TMPRSS9: variants seen among roughly 807,000 people sequenced by gnomAD.
The protein encoded by TMPRSS9 is transmembrane protease serine 9.
TMPRSS9 carries 113 observed loss-of-function variants against 111.4 expected under a neutral mutation model. The observed-to-expected ratio is 1.01, with a 90% CI of 0.87 to 1.19. The LOEUF (loss-of-function observed/expected upper bound fraction) is 1.19, where lower values mean the gene tolerates loss of function less well. Ranked by LOEUF, TMPRSS9 falls within the 50% of genes most tolerant of loss-of-function variation. TMPRSS9 has a pLI of 0.00. For missense variants in TMPRSS9, 1,803 were observed against 1,513.1 expected, an observed-to-expected ratio of 1.19 and a Z score of -3.18; for synonymous variants, 805 against 659.1, an observed-to-expected ratio of 1.22 and a Z score of -3.39.
intron 5 of TMPRSS9, among the ~76,000 whole-genome samples, chr19:2,402,759 T>TA (rs1208959271): frequency 6.6e-6 from 1 of 150,958 alleles, no homozygotes; most frequent in African/African-American, 2.4e-5. Flanking sequence ...ATAAATAAAA[T>TA]AAAATAAAAA....
rs766275889 is a variant in TMPRSS9 at position 2,408,259 on chromosome 19, A to G, written c.843-97A>G. The G allele has an allele frequency of 4.3e-4, 510 of 1,178,056 alleles. 1 individual carries two copies. The highest frequency in any genetic ancestry group is 5.5e-4 in the Non-Finnish European group (454 of 821,038). 73.0% of individuals were successfully genotyped at this position (1,178,056 alleles called of 1,614,324 possible). On this transcript the variant is annotated intron_variant, in intron 7 of 17. Transcript: ENST00000648592. ...TATTCATAAATATTAATGTGGGGGG[A>G]TACCCCTTACATTTTGCACCCAAGG...
chr19:2,414,373 G>A (rs932561528), intron 10 of TMPRSS9, among the ~76,000 whole-genome samples: 18 of 151,746 alleles, frequency 1.2e-4, no homozygotes, highest in African/African-American at 4.4e-4. Context: ...CTGAACAGCC[G>A]GGATTACAGG....
At chr19:2,400,497 G>A (rs906630576) in intron 4 of TMPRSS9, among the ~76,000 whole-genome samples, 6 of 151,798 alleles carry the variant, frequency 4.0e-5, no homozygotes, top group Non-Finnish European at 7.4e-5. Flanking sequence ...AGCCAAGGTT[G>A]CACTACTGCA....
At chr19:2,382,663 ATGCACACG>A (rs2145264304) in intron 1 of TMPRSS9, among the ~76,000 whole-genome samples, 1 of 139,406 alleles carries the variant, frequency 7.2e-6, no homozygotes, top group South Asian at 2.3e-4. Flanking sequence ...ACATACACAC[ATGCACACG>A]TGCACACATA....
In TMPRSS9 at chr19:2,408,243, A is replaced by G. The variant is rs1467342308; in HGVS notation, c.843-113A>G. Reference sequence around the variant, plus strand: ...TGATTTTTATAAATACTATTCATAAATATTAATGTGGGGGGATACCCCTTA... The same window carrying G: ...TGATTTTTATAAATACTATTCATAAGTATTAATGTGGGGGGATACCCCTTA... On this transcript the variant is annotated intron_variant, in intron 7 of 17. Coordinates refer to ENST00000648592, the Ensembl canonical transcript of TMPRSS9. The G allele has an allele frequency of 4.9e-6, 5 of 1,027,254 alleles. No individual in the cohort carries two copies. The East Asian group carries it at 1.0e-4, about 21-fold the overall frequency. The allele number at this position is 1,027,254 out of a possible 1,614,324, so 63.6% of individuals were successfully genotyped here.
At chr19:2,425,242 C>T (rs761067420) in exon 16 of TMPRSS9, 7 of 1,411,564 alleles carry the variant, frequency 5.0e-6, no homozygotes, top group East Asian at 3.2e-5. Context: ...GCGTCATCAC[C>T]GGCTGGGGCT....
chr19:2,393,223 G>A (rs1970636651), intron 1 of TMPRSS9, among the ~76,000 whole-genome samples: 1 of 152,122 alleles, frequency 6.6e-6, no homozygotes, highest in Non-Finnish European at 1.5e-5. Context: ...TCTTGCTGCT[G>A]CTCACTCGTT....
intron 1 of TMPRSS9, among the ~76,000 whole-genome samples, chr19:2,392,384 C>G (rs1307322228): frequency 2.6e-5 from 4 of 151,272 alleles, no homozygotes; most frequent in Non-Finnish European, 5.9e-5. Context: ...CAGAGTGACA[C>G]CCTGATAAAA....
intron 2 of TMPRSS9, 35 bp downstream of exon 3, chr19:2,396,701 A>G (rs767700816): frequency 3.2e-6 from 5 of 1,581,438 alleles, no homozygotes; most frequent in Non-Finnish European, 4.3e-6. Context: ...CCAGGGAGGA[A>G]GAGCGGGTGG....
At chr19:2,423,127 G>C (rs935966634) in intron 14 of TMPRSS9, among the ~76,000 whole-genome samples, 7 of 151,882 alleles carry the variant, frequency 4.6e-5, no homozygotes, top group South Asian at 2.1e-4. Flanking sequence ...CCTTGGGTGC[G>C]TGTTTCTTGC....
At chr19:2,424,000 G>A (rs912687460) in intron 14 of TMPRSS9, 89 bp from the exon 16 acceptor site, 6 of 1,230,060 alleles carry the variant, frequency 4.9e-6, no homozygotes, top group East Asian at 3.2e-5. Flanking sequence ...GGGGCTCCCA[G>A]GGGGATTCGT....
chr19:2,383,584 T>C (rs1485831647), intron 1 of TMPRSS9, among the ~76,000 whole-genome samples: 1 of 109,524 alleles, frequency 9.1e-6, no homozygotes, highest in Non-Finnish European at 1.9e-5. Context: ...GATCCTCCTA[T>C]CTCGGCCTCC....
chr19:2,384,597 C>T (rs1331349443), intron 1 of TMPRSS9, among the ~76,000 whole-genome samples: 8 of 151,700 alleles, frequency 5.3e-5, no homozygotes, highest in Admixed American at 2.0e-4. Context: ...GGGAGGATCA[C>T]GAGGTCAGGA....
At chr19:2,417,292 C>T (rs1035741751) in intron 12 of TMPRSS9, among the ~76,000 whole-genome samples, 1 of 151,572 alleles carries the variant, frequency 6.6e-6, no homozygotes, top group Non-Finnish European at 1.5e-5. Context: ...ATGGTGAAAC[C>T]CCGTCTCTAC....
chr19:2,397,070 G>A lies in TMPRSS9; in HGVS notation c.270+404G>A, dbSNP rs553497503. Among the ~76,000 whole-genome samples the A allele has an allele frequency of 3.3e-5, 5 of 150,776 alleles. No individual in the cohort carries two copies. The East Asian group carries it at 6.0e-4, about 18-fold the overall frequency. On this transcript the variant is annotated intron_variant, in intron 2 of 17. Coordinates refer to ENST00000648592, the Ensembl canonical transcript of TMPRSS9. ...CGAGTAGCTGGGATTACAGGTGCAC[G>A]CCACCACGTCCAGCTGATTTTTGTA...
In TMPRSS9 at chr19:2,366,278, T is replaced by C. The variant is rs1307835968; in HGVS notation, c.-26+5918T>C. ...GGGAGGATTGCTTGAGTCCAGGAGG[T>C]TGAGGCTTCAGTGAGCTGTGATAGC... On this transcript the variant is annotated intron_variant, in intron 1 of 17. Coordinates refer to the TMPRSS9 transcript ENST00000649857. 2.6e-5 allele frequency among the ~76,000 whole-genome samples: 4 copies of C among 151,598 alleles called. No individual in the cohort carries two copies. The East Asian group carries it at 7.8e-4, about 30-fold the overall frequency.
At chr19:2,378,192 A>G (rs1013453906) in intron 1 of TMPRSS9, among the ~76,000 whole-genome samples, 2 of 152,076 alleles carry the variant, frequency 1.3e-5, no homozygotes, top group Non-Finnish European at 2.9e-5. Context: ...CCTTTTCCTT[A>G]TAAATCACCC....
At chr19:2,376,453 T>C (rs1413546612) in intron 1 of TMPRSS9, among the ~76,000 whole-genome samples, 1 of 150,086 alleles carries the variant, frequency 6.7e-6, no homozygotes, top group Non-Finnish European at 1.5e-5. Flanking sequence ...CGACCTGAGA[T>C]GTCATTTCTT....
chr19:2,387,160 C>A (rs80212986), upstream of TMPRSS9, among the ~76,000 whole-genome samples: 8,290 of 152,128 alleles, frequency 0.054, 743 homozygotes, highest in African/African-American at 0.19. Context: ...AGTTCAAAAC[C>A]AGCCTGGGCA....
Sources: allele counts gnomAD v4.1 joint callset (sites outside exome capture counted in the v4.1 genomes callset), GRCh38; gene constraint gnomAD v4.1.1; transcripts MANE v1.5; gene names NCBI Gene and HGNC (gene_info 2026-07-23, HGNC 2026-07-21).